NAV3: variants seen among roughly 807,000 people sequenced by gnomAD.
NAV3 encodes pore membrane and/or filament interacting like protein 1.
Under a neutral mutation model 244.7 loss-of-function variants are expected in NAV3, and 87 were observed. That is an observed-to-expected ratio of 0.36 (90% CI 0.30 to 0.42). The LOEUF (loss-of-function observed/expected upper bound fraction) is 0.42, where lower values mean the gene tolerates loss of function less well. Ranked by LOEUF, NAV3 falls within the 20% of genes least tolerant of loss-of-function variation. NAV3 has a pLI of 1.00. For missense variants in NAV3, 2,663 were observed against 2,893.3 expected, an observed-to-expected ratio of 0.92 and a Z score of 1.83; for synonymous variants, 1,126 against 1,042.2, an observed-to-expected ratio of 1.08 and a Z score of -1.55.
chr12:78,089,944 T>C (rs1408653539), intron 12 of NAV3, among the ~76,000 whole-genome samples: 1 of 152,114 alleles, frequency 6.6e-6, no homozygotes. Context: ...ATTACGTACC[T>C]CTCAAATTTG....
chr12:77,739,921 A>T (rs1868295699), intron 2 of NAV3, among the ~76,000 whole-genome samples: 1 of 152,222 alleles, frequency 6.6e-6, no homozygotes, highest in Non-Finnish European at 1.5e-5. Context: ...TGACTCACAC[A>T]GTAATTTTTT....
At chr12:77,955,588 G>A (rs1891290340) in intron 3 of NAV3, among the ~76,000 whole-genome samples, 1 of 152,098 alleles carries the variant, frequency 6.6e-6, no homozygotes, top group East Asian at 1.9e-4. Flanking sequence ...AGACCCTTCT[G>A]GACAGCTGCA....
At chr12:77,633,812 T>C (rs118032552) in intron 2 of NAV3, among the ~76,000 whole-genome samples, 54 of 152,286 alleles carry the variant, frequency 3.5e-4, no homozygotes, top group Admixed American at 1.4e-3. Flanking sequence ...ATACTCACTT[T>C]ATTTGGAAAA....
At chr12:78,042,932 T>C (rs573071524) in intron 9 of NAV3, among the ~76,000 whole-genome samples, 45 of 144,406 alleles carry the variant, frequency 3.1e-4, no homozygotes, top group African/African-American at 1.2e-3. Context: ...CTAATGATCA[T>C]AGTTTTTTTT....
chr12:78,052,440 C>A (rs11108028), intron 11 of NAV3, among the ~76,000 whole-genome samples: 1 of 152,188 alleles, frequency 6.6e-6, no homozygotes, highest in South Asian at 2.1e-4. Flanking sequence ...TGGACCCCTT[C>A]GGAACCTAAC....
chr12:77,664,026 A>G (rs960010493), intron 2 of NAV3, among the ~76,000 whole-genome samples: 7 of 152,250 alleles, frequency 4.6e-5, no homozygotes, highest in African/African-American at 1.7e-4. Context: ...AATGTCATGT[A>G]AAACATTTCT....
In NAV3 at chr12:78,128,648, C is replaced by T. The variant is rs574903306; in HGVS notation, c.4281-58C>T. The T allele has an allele frequency of 9.8e-6, 15 of 1,530,582 alleles. No individual in the cohort carries two copies. In the East Asian group the frequency reaches 3.2e-4, roughly 33 times the overall value. 94.8% of individuals were successfully genotyped at this position (1,530,582 alleles called of 1,614,324 possible). On this transcript the variant is annotated intron_variant, in intron 17 of 39. Transcript: ENST00000397909. ...ACCTCCTCTGAATTGTTTTCCTGTC[C>T]TGGCATTGCCTTGCCCTTGTAGATG...
chr12:77,702,397 A>G (rs545954623), intron 2 of NAV3, among the ~76,000 whole-genome samples: 19 of 151,962 alleles, frequency 1.3e-4, no homozygotes, highest in Admixed American at 9.2e-4. Flanking sequence ...TCTTTATTGT[A>G]TCTGACAATT....
At chr12:78,174,164 G>A (rs1958123824) in intron 24 of NAV3, among the ~76,000 whole-genome samples, 1 of 151,696 alleles carries the variant, frequency 6.6e-6, no homozygotes, top group Admixed American at 6.6e-5. Flanking sequence ...GTGACTTGAA[G>A]CACAATTTTG....
intron 5 of NAV3, among the ~76,000 whole-genome samples, chr12:77,994,047 C>T (rs1188420562): frequency 3.8e-5 from 3 of 78,120 alleles, no homozygotes; most frequent in Non-Finnish European, 7.2e-5. Flanking sequence ...TAAAATATTG[C>T]TCTTCAAAAT....
chr12:77,894,867 G>A (rs994889595), intron 1 of NAV3, among the ~76,000 whole-genome samples: 7 of 152,172 alleles, frequency 4.6e-5, no homozygotes, highest in African/African-American at 1.7e-4. Context: ...TTATGTAAAA[G>A]TTTCAAGTTT....
In NAV3 at chr12:78,170,683, G is replaced by A. The variant is rs896084186; in HGVS notation, c.4981+1817G>A. 5.3e-5 allele frequency among the ~76,000 whole-genome samples: 8 copies of A among 151,652 alleles called. No homozygotes were observed. In the Admixed American group the frequency reaches 5.3e-4, roughly 10 times the overall value. Reference sequence around the variant, plus strand: ...AGACTTCTTGTTCTGTTGTTGCATTGCATATTCCATATTTCAGCTATCCTG... The same window carrying A: ...AGACTTCTTGTTCTGTTGTTGCATTACATATTCCATATTTCAGCTATCCTG... On this transcript the variant is annotated intron_variant, in intron 24 of 39. Coordinates refer to ENST00000397909, the MANE Select transcript of NAV3 (RefSeq NM_001024383.2).
At position 78,051,101 on chromosome 12, in the gene NAV3, G is replaced by A. The variant is rs2137262708; in HGVS notation, c.2470G>A (p.Gly824Ser). ...CGATGTGGGTGGATATATGAGTGATGGTGATATCCTTGGGAAAAGTCTCAG... is the reference window on the plus strand; with the variant it reads ...CGATGTGGGTGGATATATGAGTGATAGTGATATCCTTGGGAAAAGTCTCAG... Reference protein sequence around the residue: ...EVDVGGYMSDGDILGKSLRTD... With the variant: ...EVDVGGYMSDSDILGKSLRTD... The change falls in exon 11 of 40, where the codon GGT (glycine) becomes AGT (serine). Residue 824 changes from glycine to serine, a missense_variant. Around this residue, in one of 6 missense-constraint regions of NAV3, gnomAD observed 1,521 missense variants for 1,497.0 expected, o/e 1.02. Coordinates refer to ENST00000397909, the MANE Select transcript of NAV3 (RefSeq NM_001024383.2). The A allele has an allele frequency of 6.2e-7, 1 of 1,613,238 alleles. No individual in the cohort carries two copies. The highest frequency in any genetic ancestry group is 8.5e-7 in the Non-Finnish European group (1 of 1,179,278).
chr12:78,113,694 G>A (rs1294458101), intron 12 of NAV3, among the ~76,000 whole-genome samples: 2 of 152,122 alleles, frequency 1.3e-5, no homozygotes, highest in Non-Finnish European at 2.9e-5. Flanking sequence ...GCGATGAGTA[G>A]GGTTGCCACA....
Position 77,693,175 on chromosome 12 carries a change from A to G in NAV3, c.72+120909A>G, listed in dbSNP as rs1180363324. ...ACTATCTAAGAAAAGAAGCATGTTT[A>G]GCTATTTAAATAAAGTTATAGTAAT... On this transcript the variant is annotated intron_variant, in intron 2 of 8. Coordinates refer to the NAV3 transcript ENST00000550042. 2.6e-5 allele frequency among the ~76,000 whole-genome samples: 4 copies of G among 152,124 alleles called. No homozygotes were observed. The East Asian group carries it at 5.8e-4, about 22-fold the overall frequency.
In NAV3 at chr12:78,122,372, C is replaced by A. The variant is rs368948661; in HGVS notation, c.4182C>A (p.His1394Gln). 6.2e-7 allele frequency: 1 copy of A among 1,613,610 alleles called. No homozygotes were observed. The highest frequency in any genetic ancestry group is 1.3e-5 in the African/African-American group (1 of 74,948). ...TGTCTGGACTGACCACAGGCACTCA[C>A]GAGGTCCAGAGCCTGCTCATGAGAA... is the stretch of plus-strand genomic sequence containing the variant. ...GSLSGLTTGT[H>Q]EVQSLLMRTG... Residue 1394 changes from histidine to glutamine, a missense_variant, in exon 16 of 40, where the codon CAC (histidine) becomes CAA (glutamine). His to Gln is a conservative substitution (Grantham distance 24). Around this residue, in one of 6 missense-constraint regions of NAV3, gnomAD observed 354 missense variants for 413.0 expected, o/e 0.86. Transcript: ENST00000397909.
chr12:77,711,731 G>C (rs1228029944), intron 2 of NAV3, among the ~76,000 whole-genome samples: 1 of 152,134 alleles, frequency 6.6e-6, no homozygotes, highest in Admixed American at 6.5e-5. Context: ...TTGACTGGAA[G>C]CTTTTACTGG....
intron 1 of NAV3, among the ~76,000 whole-genome samples, chr12:77,843,031 C>A (rs558011804): frequency 2.4e-4 from 36 of 152,070 alleles, no homozygotes; most frequent in African/African-American, 8.2e-4. Context: ...TTTTTTTGGA[C>A]AATTTATTGA....
At chr12:78,205,821 C>A (rs1428744104) in intron 39 of NAV3, among the ~76,000 whole-genome samples, 1 of 151,916 alleles carries the variant, frequency 6.6e-6, no homozygotes, top group East Asian at 1.9e-4. Flanking sequence ...ACTAACTCAC[C>A]ATTCTATGAG....
Sources: gnomAD v4.1 joint callset for allele counts (sites outside exome capture counted in the v4.1 genomes callset) on GRCh38, gnomAD v4.1.1 for gene constraint, gnomAD v4.1.1 regional missense constraint, MANE v1.5 for transcripts, NCBI Gene and HGNC (gene_info 2026-07-23, HGNC 2026-07-21) for gene names.